Variants in PCCA observed in about 807,000 individuals in gnomAD.
PCCA encodes propionyl-CoA carboxylase alpha chain, mitochondrial.
A neutral mutation model predicts 101.3 loss-of-function variants in PCCA; 74 were observed. That is an observed-to-expected ratio of 0.73 (90% CI 0.61 to 0.89). The LOEUF (loss-of-function observed/expected upper bound fraction) is 0.89. Ranked by LOEUF, PCCA falls within the 40% of genes least tolerant of loss-of-function variation. The pLI is 0.00. For synonymous variants in PCCA, 294 were observed against 313.6 expected (o/e 0.94, Z 0.66); for missense variants, 891 against 907.0 (o/e 0.98, Z 0.23).
chr13:100,348,776 CTTTCTTT>C (rs1566976461), intron 18 of PCCA, among the ~76,000 whole-genome samples: 1,265 of 86,792 alleles, frequency 0.015, 4 homozygotes, highest in Non-Finnish European at 0.021. Context: ...TTCTTTCTTT[CTTTCTTT>C]CTTTCTTCCT....
At chr13:100,363,699 G>A (rs551984465) in intron 18 of PCCA, among the ~76,000 whole-genome samples, 25 of 152,176 alleles carry the variant, frequency 1.6e-4, no homozygotes, top group African/African-American at 6.0e-4. Flanking sequence ...TTTTAACTCA[G>A]TATTTTACTT....
intron 21 of PCCA, among the ~76,000 whole-genome samples, chr13:100,459,209 T>C (rs2152939521): frequency 6.6e-6 from 1 of 152,292 alleles, no homozygotes; most frequent in East Asian, 1.9e-4. Context: ...CCTAATCCAG[T>C]GAAACCTCAT....
intron 23 of PCCA, among the ~76,000 whole-genome samples, chr13:100,529,833 A>G (rs2088233849): frequency 6.6e-6 from 1 of 152,126 alleles, no homozygotes; most frequent in Admixed American, 6.5e-5. Flanking sequence ...TGCTCCGGAG[A>G]GTAGCCCTCA....
intron 21 of PCCA, among the ~76,000 whole-genome samples, chr13:100,494,299 A>G (rs1282995390): frequency 6.6e-6 from 1 of 152,274 alleles, no homozygotes; most frequent in Non-Finnish European, 1.5e-5. Flanking sequence ...TTATCTAACA[A>G]GAACATTGTC....
intron 8 of PCCA, among the ~76,000 whole-genome samples, chr13:100,238,572 A>G (rs1315853624): frequency 6.6e-6 from 1 of 152,132 alleles, no homozygotes; most frequent in Non-Finnish European, 1.5e-5. Flanking sequence ...TACTGAAAGA[A>G]AGGGAAACCA....
rs572547554 is a variant in PCCA, at chr13:100,433,886, T to A, written c.1845+8155T>A. ...TAACTGATTTATTTAATCAAAGTTT[T>A]ATGTGACATGAGAGTCTTCAGAACA... On this transcript the variant is annotated intron_variant, in intron 20 of 23. Transcript: ENST00000376285. 4.3e-4 allele frequency among the ~76,000 whole-genome samples: 66 copies of A among 152,338 alleles called. No homozygotes were observed. The East Asian group carries it at 0.012, about 27-fold the overall frequency.
At chr13:100,093,491 G>A (rs185686283) in intron 1 of PCCA, among the ~76,000 whole-genome samples, 1 of 152,282 alleles carries the variant, frequency 6.6e-6, no homozygotes, top group East Asian at 1.9e-4. Context: ...TAGAGATCTA[G>A]CTCTTTACTC....
At chr13:100,183,682 G>A (rs1213142847) in intron 6 of PCCA, among the ~76,000 whole-genome samples, 1 of 152,182 alleles carries the variant, frequency 6.6e-6, no homozygotes, top group Non-Finnish European at 1.5e-5. Context: ...GGAAGGGGCT[G>A]TAGTGTCGGG....
chr13:100,160,101 C>T (rs2054292215), intron 6 of PCCA, among the ~76,000 whole-genome samples: 2 of 152,066 alleles, frequency 1.3e-5, no homozygotes, highest in African/African-American at 4.8e-5. Flanking sequence ...AGGCCAAATT[C>T]CCCCAATGTA....
intron 16 of PCCA, among the ~76,000 whole-genome samples, chr13:100,326,481 A>G (rs558537255): frequency 2.6e-5 from 4 of 152,358 alleles, no homozygotes; most frequent in Admixed American, 6.5e-5. Flanking sequence ...TACTGGCAGT[A>G]AAACTAAAAC....
At chr13:100,122,063 C>G (rs2049455073) in intron 4 of PCCA, among the ~76,000 whole-genome samples, 1 of 152,114 alleles carries the variant, frequency 6.6e-6, no homozygotes, top group Non-Finnish European at 1.5e-5. Context: ...TTATCAAGAA[C>G]AGGTGTTGCA....
intron 21 of PCCA, among the ~76,000 whole-genome samples, chr13:100,510,905 T>C (rs1594079718): frequency 6.6e-6 from 1 of 152,264 alleles, no homozygotes; most frequent in Non-Finnish European, 1.5e-5. Context: ...TGCCTGTCCA[T>C]GTCCGCTCCT....
intron 1 of PCCA, among the ~76,000 whole-genome samples, chr13:100,089,657 T>C (rs1231538300): frequency 6.6e-6 from 1 of 152,238 alleles, no homozygotes; most frequent in East Asian, 1.9e-4. Flanking sequence ...CTGTGAACTG[T>C]TGCTTAAGTA....
At chr13:100,318,092 A>G (rs2067568996) in intron 16 of PCCA, among the ~76,000 whole-genome samples, 1 of 152,110 alleles carries the variant, frequency 6.6e-6, no homozygotes, top group African/African-American at 2.4e-5. Flanking sequence ...TAGCAGCCTA[A>G]GTGATTCTGG....
intron 4 of PCCA, among the ~76,000 whole-genome samples, chr13:100,140,920 A>G (rs79605180): frequency 0.022 from 3,372 of 152,290 alleles, 127 homozygotes; most frequent in African/African-American, 0.077. Flanking sequence ...AGAGGAAAAT[A>G]AAGGAGGTTT....
At chr13:100,477,758 C>T (rs1224308116) in intron 21 of PCCA, among the ~76,000 whole-genome samples, 1 of 152,194 alleles carries the variant, frequency 6.6e-6, no homozygotes, top group Non-Finnish European at 1.5e-5. Flanking sequence ...AGCGTGTGTT[C>T]TCCTGTGGGC....
chr13:100,417,548 GT>G (rs1207474281), intron 19 of PCCA, among the ~76,000 whole-genome samples: 1 of 152,190 alleles, frequency 6.6e-6, no homozygotes, highest in Non-Finnish European at 1.5e-5. Context: ...GGAGGCCAGA[GT>G]ATCGTGGCAG....
Position 100,264,396 on chromosome 13 carries a change from A to T in PCCA, c.819+1565A>T, listed in dbSNP as rs112485502. ...TAGATAGAGAATGTCCCATCACACCACTTCCTAGTCAGTCCCTACCTGTGG... is the reference window on the plus strand; with the variant it reads ...TAGATAGAGAATGTCCCATCACACCTCTTCCTAGTCAGTCCCTACCTGTGG... On this transcript the variant is annotated intron_variant, in intron 10 of 23. Coordinates refer to ENST00000376285, the MANE Select transcript of PCCA (RefSeq NM_000282.4). Among the ~76,000 whole-genome samples the T allele has an allele frequency of 8.9e-3, 1,352 of 152,272 alleles. 24 individuals are homozygous for T. Among genetic ancestry groups the T allele is most frequent in the South Asian group, 0.028 (136 of 4,828 alleles).
intron 19 of PCCA, among the ~76,000 whole-genome samples, chr13:100,421,398 A>C (rs1396824181): frequency 6.6e-6 from 1 of 152,196 alleles, no homozygotes; most frequent in East Asian, 1.9e-4. Context: ...TTAAAAAATG[A>C]TAGCACACTG....
Sources: gnomAD v4.1 joint callset for allele counts (sites outside exome capture counted in the v4.1 genomes callset) on GRCh38, gnomAD v4.1.1 for gene constraint, MANE v1.5 for transcripts, NCBI Gene and HGNC (gene_info 2026-07-23, HGNC 2026-07-21) for gene names.